MYRIP: variants seen among roughly 807,000 people sequenced by gnomAD.
MYRIP encodes the protein myosin VIIA and Rab interacting protein.
A neutral mutation model predicts 98.0 loss-of-function variants in MYRIP; 49 were observed. The observed-to-expected ratio is 0.50, with a 90% CI of 0.40 to 0.63. The LOEUF (loss-of-function observed/expected upper bound fraction) is 0.63, where lower values mean the gene tolerates loss of function less well. Ranked by LOEUF, MYRIP falls within the 30% of genes least tolerant of loss-of-function variation. The probability of loss-of-function intolerance (pLI) is 0.00; values close to 1 mark genes in which losing one functional copy is unlikely to be tolerated. For missense variants in MYRIP, 1,004 were observed against 1,058.2 expected (o/e 0.95, Z 0.71); for synonymous variants, 404 against 409.5 (o/e 0.99, Z 0.16).
intron 1 of MYRIP, among the ~76,000 whole-genome samples, chr3:39,876,577 A>G (rs1291025205): frequency 2.0e-5 from 3 of 151,430 alleles, no homozygotes; most frequent in Admixed American, 6.6e-5. Flanking sequence ...TCTGTAAAGG[A>G]TTTTATTTCT....
At chr3:40,136,891 G>C (rs1315516970) in intron 3 of MYRIP, among the ~76,000 whole-genome samples, 5 of 146,390 alleles carry the variant, frequency 3.4e-5, no homozygotes, top group Admixed American at 6.9e-5. Flanking sequence ...GCAGTGTGTA[G>C]AGGGAAATTT....
intron 2 of MYRIP, among the ~76,000 whole-genome samples, chr3:40,015,538 G>T (rs1575466037): frequency 1.3e-5 from 2 of 152,214 alleles, no homozygotes; most frequent in African/African-American, 2.4e-5. Context: ...TGCCAGAGGA[G>T]GGGAGCTCTA....
intron 3 of MYRIP, among the ~76,000 whole-genome samples, chr3:40,130,602 A>G (rs11129863): frequency 0.71 from 107,766 of 150,996 alleles, 38,848 homozygotes; most frequent in Admixed American, 0.8. Flanking sequence ...GGATGGTCTC[A>G]ATCTCCTGAC....
chr3:40,137,248 A>G (rs1479060458), intron 3 of MYRIP, among the ~76,000 whole-genome samples: 5 of 152,256 alleles, frequency 3.3e-5, no homozygotes, highest in Non-Finnish European at 5.9e-5. Flanking sequence ...AGAGAATACT[A>G]TTAACACCTC....
At chr3:40,171,106 G>A (rs571032868) in intron 8 of MYRIP, among the ~76,000 whole-genome samples, 1 of 152,154 alleles carries the variant, frequency 6.6e-6, no homozygotes, top group East Asian at 1.9e-4. Flanking sequence ...TCAACGTGCT[G>A]TCAGCTTGTT....
chr3:39,933,030 G>A (rs542023186), intron 2 of MYRIP, among the ~76,000 whole-genome samples: 1 of 152,300 alleles, frequency 6.6e-6, no homozygotes, highest in East Asian at 1.9e-4. Context: ...AGAATAAGGG[G>A]TCCTCTGACA....
intron 1 of MYRIP, among the ~76,000 whole-genome samples, chr3:39,858,090 A>G (rs1942359360): frequency 6.6e-6 from 1 of 152,192 alleles, no homozygotes. Flanking sequence ...ATCAAAAGAC[A>G]TAGAGTGAGT....
intron 2 of MYRIP, among the ~76,000 whole-genome samples, chr3:40,012,232 A>G (rs577980613): frequency 3.3e-5 from 5 of 152,364 alleles, no homozygotes; most frequent in African/African-American, 1.2e-4. Flanking sequence ...TTTCTTCTGA[A>G]TCCACCTAGT....
At chr3:40,219,335 A>T (rs986149945) in intron 11 of MYRIP, among the ~76,000 whole-genome samples, 1 of 152,188 alleles carries the variant, frequency 6.6e-6, no homozygotes, top group Non-Finnish European at 1.5e-5. Flanking sequence ...TTTATTTTTT[A>T]AACTTTATTA....
chr3:40,229,589 C>T (rs1196031324), intron 11 of MYRIP, among the ~76,000 whole-genome samples: 1 of 152,202 alleles, frequency 6.6e-6, no homozygotes, highest in Non-Finnish European at 1.5e-5. Flanking sequence ...TGAGGAAACT[C>T]CATCTCAGGC....
intron 11 of MYRIP, among the ~76,000 whole-genome samples, chr3:40,222,535 C>T (rs921797494): frequency 4.6e-5 from 7 of 152,224 alleles, no homozygotes; most frequent in Admixed American, 3.9e-4. Context: ...GTTTTATGTT[C>T]CATATGTTTA....
In MYRIP at chr3:40,250,453, T is replaced by C; in HGVS notation, c.2382T>C (p.Asp794=). 1.2e-6 allele frequency: 2 copies of C among 1,614,172 alleles called. No homozygotes were observed. The highest frequency in any genetic ancestry group is 8.5e-7 in the Non-Finnish European group (1 of 1,180,014). ...QKQRTQVQTI[D]TSRQQRRKLP... is the part of the protein sequence containing the mutation. ...TCTGTTTGTAGGTACAAACCATAGA[T>C]ACATCAAGGCAGCAAAGGAGGAAAC... The change falls in exon 15 of 17, where the codon GAT becomes GAC. Residue 794 remains aspartate (D), a synonymous_variant. Transcript: ENST00000302541.
chr3:40,139,219 AT>A (rs1559417319), intron 3 of MYRIP, among the ~76,000 whole-genome samples: 2 of 152,112 alleles, frequency 1.3e-5, no homozygotes, highest in East Asian at 1.9e-4. Flanking sequence ...TATTACATCT[AT>A]TTTTAAATTA....
chr3:39,904,734 C>T lies in MYRIP; in HGVS notation c.110+3808C>T, dbSNP rs753045813. On this transcript the variant is annotated intron_variant, in intron 2 of 16. Transcript: ENST00000302541. ...CAGCTCACAGTGAGCAGAGGCACAT[C>T]GTGGTTGGTGTGTAGATATCAGCTG... 5.3e-5 allele frequency among the ~76,000 whole-genome samples: 8 copies of T among 152,108 alleles called. No individual in the cohort carries two copies. The South Asian group carries it at 6.2e-4, about 12-fold the overall frequency.
chr3:39,907,831 C>T (rs1213841437), intron 2 of MYRIP, among the ~76,000 whole-genome samples: 5 of 152,118 alleles, frequency 3.3e-5, no homozygotes, highest in South Asian at 2.1e-4. Context: ...GCCAGGGCTC[C>T]GTGTCGTCTG....
chr3:39,891,358 GT>G (rs1943482168), intron 1 of MYRIP, among the ~76,000 whole-genome samples: 1 of 151,790 alleles, frequency 6.6e-6, no homozygotes, highest in Non-Finnish European at 1.5e-5. Context: ...TTTTAACTAT[GT>G]ATAATGAGCA....
At chr3:39,885,619 C>T (rs187476123) in intron 1 of MYRIP, among the ~76,000 whole-genome samples, 30 of 152,160 alleles carry the variant, frequency 2.0e-4, no homozygotes, top group African/African-American at 6.5e-4. Flanking sequence ...TTCTCCCCGT[C>T]GCTTTCAGGT....
Position 40,182,215 on chromosome 3 carries a change from C to A in MYRIP, c.874-5C>A. 1 of 1,602,782 alleles carries A rather than the reference C, an allele frequency of 6.2e-7. No individual in the cohort carries two copies. The highest frequency in any genetic ancestry group is 8.5e-7 in the Non-Finnish European group (1 of 1,174,158). ...CTCACCCCTTCCCCTCTTTCCTTTC[C>A]ACAGAGGTCCCAGTCTGCCTTCTCA... On this transcript the variant is annotated splice_region_variant and splice_polypyrimidine_tract_variant and intron_variant, in intron 8 of 16. Coordinates refer to ENST00000302541, the MANE Select transcript of MYRIP (RefSeq NM_015460.4).
chr3:39,937,570 T>C (rs1944683608), intron 2 of MYRIP, among the ~76,000 whole-genome samples: 1 of 152,224 alleles, frequency 6.6e-6, no homozygotes, highest in Admixed American at 6.5e-5. Flanking sequence ...ACATACAATG[T>C]GGCCTTTGTT....
Sources: gnomAD v4.1 joint callset for allele counts (sites outside exome capture counted in the v4.1 genomes callset) on GRCh38, gnomAD v4.1.1 for gene constraint, MANE v1.5 for transcripts, NCBI Gene and HGNC (gene_info 2026-07-23, HGNC 2026-07-21) for gene names.